The following DHX34 variants were observed in gnomAD, a reference collection of about 807,000 sequenced individuals.
DHX34 encodes DExH-box helicase 34.
A neutral mutation model predicts 111.1 loss-of-function variants in DHX34; 96 were observed. The ratio of observed to expected loss-of-function variants is 0.86; its 90% confidence interval spans 0.73 to 1.02. DHX34 has a LOEUF of 1.02. Ranked by LOEUF, DHX34 falls within the 50% of genes least tolerant of loss-of-function variation. DHX34 has a pLI of 0.00. For synonymous variants in DHX34, 688 were observed against 670.4 expected (o/e 1.03, Z -0.41); for missense variants, 1,560 against 1,579.9 (o/e 0.99, Z 0.21).
In DHX34 at chr19:47,382,297, A is replaced by G; in HGVS notation, c.*184A>G. The G allele has an allele frequency of 9.1e-7, 1 of 1,093,050 alleles. No homozygotes were observed. The highest frequency in any genetic ancestry group is 1.2e-6 in the Non-Finnish European group (1 of 801,086). 67.7% of individuals were successfully genotyped at this position (1,093,050 alleles called of 1,614,324 possible). A position where few individuals can be genotyped will look rare whatever the true frequency, so the allele number is the denominator to read the frequency against. On this transcript the variant is annotated 3_prime_UTR_variant, in exon 17 of 17. Coordinates refer to ENST00000328771, the MANE Select transcript of DHX34 (RefSeq NM_014681.6). ...TGCTGATACACACTGTTAGGCCTGC[A>G]CCTGCCCATCCAGAAAGCAGCAGCT...
chr19:47,372,103 C>G (rs1969981207), intron 7 of DHX34, among the ~76,000 whole-genome samples: 1 of 151,528 alleles, frequency 6.6e-6, no homozygotes, highest in South Asian at 2.1e-4. Context: ...CTTTTCCTCT[C>G]TGTGGCCTCC....
chr19:47,358,617 A>AT lies in DHX34; in HGVS notation c.1272+506dup, dbSNP rs1183343922. On this transcript the variant is annotated intron_variant, in intron 4 of 16. Transcript: ENST00000328771. ...AGGTGTGTGTCACTAAACTCCATTA[A>AT]TTTTTTTTTCTTTTTGGGACAGAGT... Among the ~76,000 whole-genome samples, 10 of 146,396 alleles carry AT rather than the reference A, an allele frequency of 6.8e-5. No individual in the cohort carries two copies. The South Asian group carries it at 1.7e-3, about 25-fold the overall frequency.
At chr19:47,360,591 CAT>C (rs1238697380) in intron 5 of DHX34, among the ~76,000 whole-genome samples, 1 of 152,130 alleles carries the variant, frequency 6.6e-6, no homozygotes, top group East Asian at 1.9e-4. Context: ...CAGAGAGGCC[CAT>C]ACTGTCCACT....
At position 47,362,759 on chromosome 19, in the gene DHX34, T is replaced by TTTTTATTTTA. The variant is rs368173613; in HGVS notation, c.1593+86_1593+95dup. ...GCACAGGGAGGAACCTGGGAGGCCT[T>TTTTTATTTTA]TTTTATTTTATTTTATTTTATTTTA... On this transcript the variant is annotated intron_variant, in intron 6 of 16. Transcript: ENST00000328771. 125 of 1,373,068 alleles carry TTTTTATTTTA rather than the reference T, an allele frequency of 9.1e-5. No homozygotes were observed. In the African/African-American group the frequency reaches 1.7e-3, roughly 19 times the overall value. 85.1% of individuals were successfully genotyped at this position (1,373,068 alleles called of 1,614,324 possible).
At chr19:47,368,851 C>G (rs1969884124) in intron 7 of DHX34, among the ~76,000 whole-genome samples, 1 of 151,552 alleles carries the variant, frequency 6.6e-6, no homozygotes, top group African/African-American at 2.4e-5. Flanking sequence ...GTAGCTGAGA[C>G]TGTAGGTGCC....
At chr19:47,380,783 GTCTC>G (rs748093153) in intron 14 of DHX34, 29 bp from the exon 15 acceptor site, 2 of 1,612,682 alleles carry the variant, frequency 1.2e-6, no homozygotes, top group Non-Finnish European at 1.7e-6. Context: ...CCCTGAGTCT[GTCTC>G]TCTCCATTTC....
chr19:47,362,901 G>A lies in DHX34; in HGVS notation c.1593+208G>A, dbSNP rs986404272. Reference sequence around the variant, plus strand: ...TCCTCCTACCTCCACCTGCCAAGTAGCTGGGACCACAGGCACACACCACCA... The same window carrying A: ...TCCTCCTACCTCCACCTGCCAAGTAACTGGGACCACAGGCACACACCACCA... On this transcript the variant is annotated intron_variant, in intron 6 of 16. Coordinates refer to ENST00000328771, the MANE Select transcript of DHX34 (RefSeq NM_014681.6). Among the ~76,000 whole-genome samples, 3 of 152,166 alleles carry A rather than the reference G, an allele frequency of 2.0e-5. No homozygotes were observed. In the South Asian group the frequency reaches 6.2e-4, roughly 32 times the overall value.
intron 7 of DHX34, among the ~76,000 whole-genome samples, chr19:47,367,852 T>A (rs2431838): frequency 7.2e-6 from 1 of 138,652 alleles, no homozygotes; most frequent in African/African-American, 2.8e-5. Context: ...GCCGAGACCA[T>A]GCCATTGTAC....
At chr19:47,361,184 G>A (rs1363346694) in intron 5 of DHX34, among the ~76,000 whole-genome samples, 2 of 152,068 alleles carry the variant, frequency 1.3e-5, no homozygotes, top group African/African-American at 4.8e-5. Context: ...CCGGCTGGGC[G>A]CGGTGGCTCA....
In DHX34 at chr19:47,352,584, A is replaced by C. The variant is rs1969318498; in HGVS notation, c.-277-170A>C. On this transcript the variant is annotated intron_variant, in intron 1 of 16. Coordinates refer to ENST00000328771, the MANE Select transcript of DHX34 (RefSeq NM_014681.6). ...CAGCTGCTCGGGAGGCTGAGGCGGG[A>C]GGATCGCTTGAGTCCAGGAGGTCGA... 2.0e-5 allele frequency among the ~76,000 whole-genome samples: 3 copies of C among 152,240 alleles called. No homozygotes were observed. The South Asian group carries it at 6.2e-4, about 32-fold the overall frequency.
rs1568408649 is a variant in DHX34, at chr19:47,379,833, CTGCGGCTCCG to C, written c.2834_2843del (p.Arg945ProfsTer36). 6.2e-7 allele frequency: 1 copy of C among 1,613,810 alleles called. No homozygotes were observed. The highest frequency in any genetic ancestry group is 8.5e-7 in the Non-Finnish European group (1 of 1,179,854). ...TGCCATCCGACTCCTGGCGGCTTCC[CTGCGGCTCCG>C]TGCCCGCTGGGAAAGTGCCCTGGAC... On this transcript the variant is annotated frameshift_variant, in exon 14 of 17. Transcript: ENST00000328771. LOFTEE classifies it high-confidence loss of function.
At chr19:47,381,052 T>C in intron 15 of DHX34, 60 bp downstream of exon 15, 2 of 1,543,526 alleles carry the variant, frequency 1.3e-6, no homozygotes, top group Non-Finnish European at 1.7e-6. Context: ...CCACCCCGTT[T>C]CACCTTAGTC....
chr19:47,360,236 G>GTTTTTTTGAATTTGGAATATTTGTA (rs1555731389), intron 5 of DHX34, among the ~76,000 whole-genome samples, 166 bp downstream of exon 5: 4 of 152,106 alleles, frequency 2.6e-5, no homozygotes, highest in African/African-American at 2.4e-5. Context: ...GGAATTTCGG[G>GTTTTTTTGAATTTGGAATATTTGTA]TTTTTTTGAA....
chr19:47,369,825 C>G (rs1419574439), intron 7 of DHX34, among the ~76,000 whole-genome samples: 1 of 152,026 alleles, frequency 6.6e-6, no homozygotes, highest in East Asian at 1.9e-4. Context: ...TGAAGGTGGC[C>G]AGAAAATTGA....
intron 8 of DHX34, 49 bp from the exon 9 acceptor site, chr19:47,373,550 C>G (rs2547381): frequency 0.064 from 102,146 of 1,589,330 alleles, 4,252 homozygotes; most frequent in African/African-American, 0.2. Context: ...GCCCCTCCCT[C>G]CCCGCACTGG....
chr19:47,379,594 G>A (rs926855546), intron 13 of DHX34, 116 bp from the exon 14 acceptor site: 2 of 1,482,600 alleles, frequency 1.3e-6, no homozygotes, highest in Admixed American at 2.3e-5. Flanking sequence ...CGGGTAGGTG[G>A]ATGCCTCACA....
chr19:47,375,982 C>T lies in DHX34; in HGVS notation c.2366C>T (p.Ala789Val), dbSNP rs367861260. Residue 789 changes from alanine (A) to valine (V), a missense_variant, in exon 11 of 17, where the codon GCC becomes GTC. By Grantham distance (64) the Ala-to-Val change is moderately conservative. Coordinates refer to ENST00000328771, the MANE Select transcript of DHX34 (RefSeq NM_014681.6). ...LAQLQAAASS[A>V]QDLSREQLAL... ...CAGCTGCAGGCCGCTGCCAGCTCAG[C>T]CCAGGACCTGAGCCGCGAGCAGCTG... 5 of 1,606,542 alleles carry T rather than the reference C, an allele frequency of 3.1e-6. No individual in the cohort carries two copies. The African/African-American group carries it at 5.4e-5, about 17-fold the overall frequency.
intron 11 of DHX34, 146 bp downstream of exon 11, chr19:47,376,243 T>TC (rs1970152020): frequency 7.0e-7 from 1 of 1,431,636 alleles, no homozygotes; most frequent in Non-Finnish European, 9.2e-7. Flanking sequence ...GACAGACCCA[T>TC]CCCCAGACAA....
intron 1 of DHX34, among the ~76,000 whole-genome samples, chr19:47,352,093 G>C (rs1446375512): frequency 6.6e-6 from 1 of 152,304 alleles, no homozygotes; most frequent in East Asian, 1.9e-4. Flanking sequence ...TTCTGCTGTT[G>C]GTTGGCCATG....
Sources: gnomAD v4.1 joint callset for allele counts (sites outside exome capture counted in the v4.1 genomes callset) on GRCh38, gnomAD v4.1.1 for gene constraint, MANE v1.5 for transcripts, NCBI Gene and HGNC (gene_info 2026-07-23, HGNC 2026-07-21) for gene names.